TSPAN5: variants seen among roughly 807,000 people sequenced by gnomAD.
TSPAN5 encodes tetraspanin-5.
TSPAN5 carries 10 observed loss-of-function variants against 37.1 expected under a neutral mutation model. That is an observed-to-expected ratio of 0.27 (90% confidence interval 0.17 to 0.46). The LOEUF is 0.46. Among genes scored for constraint, TSPAN5 ranks in the 20% least tolerant of loss-of-function variants. The pLI is 1.00. For synonymous variants in TSPAN5, 110 were observed against 118.9 expected, an observed-to-expected ratio of 0.93 and a Z score of 0.48; for missense variants, 195 against 326.6, an observed-to-expected ratio of 0.60 and a Z score of 3.11.
chr4:98,579,887 C>T (rs551861729), intron 1 of TSPAN5, among the ~76,000 whole-genome samples: 1 of 152,300 alleles, frequency 6.6e-6, no homozygotes, highest in East Asian at 1.9e-4. Context: ...ATTTTTCACA[C>T]ATTCATATTA....
At chr4:98,477,345 C>T (rs1445395870) in intron 5 of TSPAN5, among the ~76,000 whole-genome samples, 1 of 152,204 alleles carries the variant, frequency 6.6e-6, no homozygotes, top group Non-Finnish European at 1.5e-5. Flanking sequence ...GACTTTGTCT[C>T]CTCTTTCAGA....
intron 1 of TSPAN5, among the ~76,000 whole-genome samples, chr4:98,588,854 G>A (rs914094786): frequency 5.3e-5 from 8 of 152,142 alleles, no homozygotes; most frequent in Admixed American, 4.6e-4. Flanking sequence ...AACATCTTAC[G>A]TTTGCAGAGT....
chr4:98,503,417 A>G (rs2110282301), intron 2 of TSPAN5, among the ~76,000 whole-genome samples: 1 of 152,274 alleles, frequency 6.6e-6, no homozygotes. Flanking sequence ...CCTAGAGAGA[A>G]GCAGATGTTT....
At chr4:98,603,697 G>A (rs1179309018) in intron 1 of TSPAN5, among the ~76,000 whole-genome samples, 1 of 152,148 alleles carries the variant, frequency 6.6e-6, no homozygotes, top group Non-Finnish European at 1.5e-5. Flanking sequence ...GATCAGAACT[G>A]TCTCAAACAA....
At chr4:98,613,118 C>G (rs1756238799) in intron 1 of TSPAN5, among the ~76,000 whole-genome samples, 1 of 148,052 alleles carries the variant, frequency 6.8e-6, no homozygotes, top group Non-Finnish European at 1.5e-5. Context: ...CACAACACAT[C>G]TGGGTTGAGG....
At chr4:98,583,735 G>C (rs1755421518) in intron 1 of TSPAN5, among the ~76,000 whole-genome samples, 1 of 152,232 alleles carries the variant, frequency 6.6e-6, no homozygotes, top group African/African-American at 2.4e-5. Flanking sequence ...GTTCCTCATG[G>C]GTGATTTGGG....
chr4:98,516,204 C>A (rs554583235), intron 1 of TSPAN5, among the ~76,000 whole-genome samples: 74 of 152,310 alleles, frequency 4.9e-4, no homozygotes, highest in Non-Finnish European at 9.1e-4. Flanking sequence ...GGAGGATGGG[C>A]CTTCTCCCAC....
chr4:98,644,951 G>A (rs1445088961), intron 1 of TSPAN5, among the ~76,000 whole-genome samples: 1 of 152,170 alleles, frequency 6.6e-6, no homozygotes, highest in African/African-American at 2.4e-5. Flanking sequence ...TTTACCTCTA[G>A]GGATCCATCC....
At position 98,486,855 on chromosome 4, in the gene TSPAN5, G is replaced by A. The variant is rs141071141; in HGVS notation, c.162C>T (p.Thr54=). The A allele has an allele frequency of 1.1e-5, 17 of 1,613,926 alleles. No homozygotes were observed. The African/African-American group carries it at 1.2e-4, about 11-fold the overall frequency. ...AAACTGGGTCAAAGCCGCCGAGATC[G>A]GTGATGGAAGAGATGTTGGACAGAA... ...KGVLSNISSI[T]DLGGFDPVWL... is the part of the protein sequence containing the mutation. The change falls in exon 3 of 8, where the codon ACC becomes ACT. Residue 54 remains threonine, a synonymous_variant. Coordinates refer to ENST00000305798, the MANE Select transcript of TSPAN5 (RefSeq NM_005723.4).
At chr4:98,539,304 AG>A (rs1367256665) in intron 1 of TSPAN5, among the ~76,000 whole-genome samples, 1 of 152,200 alleles carries the variant, frequency 6.6e-6, no homozygotes, top group Admixed American at 6.5e-5. Flanking sequence ...GAGGTCCAGG[AG>A]CCATGAGCTT....
At chr4:98,631,423 A>C (rs1432882259) in intron 1 of TSPAN5, among the ~76,000 whole-genome samples, 1 of 152,094 alleles carries the variant, frequency 6.6e-6, no homozygotes, top group Non-Finnish European at 1.5e-5. Context: ...GGGTGGGTGC[A>C]CCTGTACCTG....
At chr4:98,510,993 C>G (rs1447094166) in intron 1 of TSPAN5, among the ~76,000 whole-genome samples, 2 of 152,192 alleles carry the variant, frequency 1.3e-5, no homozygotes, top group Non-Finnish European at 2.9e-5. Flanking sequence ...CCCCTTCCCA[C>G]CTCCCAAAGA....
At chr4:98,491,187 G>A (rs900018079) in intron 2 of TSPAN5, among the ~76,000 whole-genome samples, 1 of 152,106 alleles carries the variant, frequency 6.6e-6, no homozygotes, top group African/African-American at 2.4e-5. Flanking sequence ...TCATTTTTGT[G>A]GTGAGAACAC....
chr4:98,515,953 T>C (rs1019057270), intron 1 of TSPAN5, among the ~76,000 whole-genome samples: 20 of 152,182 alleles, frequency 1.3e-4, no homozygotes, highest in African/African-American at 4.8e-4. Context: ...ATTAAAGAAG[T>C]TTCTCTCCAT....
chr4:98,648,230 G>A (rs1757110896), intron 1 of TSPAN5, among the ~76,000 whole-genome samples: 1 of 152,224 alleles, frequency 6.6e-6, no homozygotes, highest in African/African-American at 2.4e-5. Context: ...CTGTCATGCA[G>A]ACCTTGACGC....
intron 1 of TSPAN5, among the ~76,000 whole-genome samples, chr4:98,541,227 C>G (rs1401371325): frequency 6.6e-6 from 1 of 152,224 alleles, no homozygotes; most frequent in Non-Finnish European, 1.5e-5. Flanking sequence ...AGGCTTTACT[C>G]TGACTGCAGG....
intron 1 of TSPAN5, among the ~76,000 whole-genome samples, chr4:98,557,158 TAATAA>T (rs33931497): frequency 0.53 from 79,665 of 151,394 alleles, 21,039 homozygotes; most frequent in South Asian, 0.58. Flanking sequence ...AAAATAAAGA[TAATAA>T]AATAGTACAT....
intron 1 of TSPAN5, among the ~76,000 whole-genome samples, chr4:98,516,058 A>AT (rs934197491): frequency 3.9e-5 from 6 of 152,018 alleles, no homozygotes; most frequent in South Asian, 2.1e-4. Context: ...CATTGTGCCT[A>AT]TTTTTTTACA....
At chr4:98,590,331 A>C (rs546721809) in intron 1 of TSPAN5, among the ~76,000 whole-genome samples, 1 of 152,042 alleles carries the variant, frequency 6.6e-6, no homozygotes, top group African/African-American at 2.4e-5. Flanking sequence ...AACACCTATG[A>C]CTCTCACTTA....
Sources: allele counts gnomAD v4.1 joint callset (sites outside exome capture counted in the v4.1 genomes callset), GRCh38; gene constraint gnomAD v4.1.1; transcripts MANE v1.5; gene names NCBI Gene and HGNC (gene_info 2026-07-23, HGNC 2026-07-21).